The following CKM variants were observed in gnomAD, a reference collection of about 807,000 sequenced individuals.
The protein encoded by CKM is creatine kinase, M-type, also known as creatine kinase M-type.
Under a neutral mutation model 35.4 loss-of-function variants are expected in CKM, and 28 were observed. That is an observed-to-expected ratio of 0.79 (90% CI 0.59 to 1.08). CKM has a LOEUF of 1.08. CKM is among the 50% of genes least tolerant of loss of function. The probability of loss-of-function intolerance (pLI) is 0.00; values close to 1 mark genes in which losing one functional copy is unlikely to be tolerated. For missense variants in CKM, 484 were observed against 509.8 expected, an observed-to-expected ratio of 0.95 and a Z score of 0.49; for synonymous variants, 215 against 204.4, an observed-to-expected ratio of 1.05 and a Z score of -0.44.
At chr19:45,311,715 G>A (rs1298385481) in intron 5 of CKM, 34 bp downstream of exon 5, 1 of 1,536,244 alleles carries the variant, frequency 6.5e-7, no homozygotes, top group African/African-American at 1.4e-5. Context: ...GAGGCTGGGG[G>A]AAGAGGAAGC....
In CKM at chr19:45,322,812, G is replaced by A. The variant is rs1357118751; in HGVS notation, c.-19+9C>T. The stretch of plus-strand genomic sequence containing the variant: ...TGGCCCCCACCCAGATTCCCGCCCC[G>A]TGCAGTACCTGGCTGGGCTGGGCTG... On this transcript the variant is annotated intron_variant, in intron 1 of 7. Transcript: ENST00000221476. 18 of 985,812 alleles carry A rather than the reference G, an allele frequency of 1.8e-5. No individual in the cohort carries two copies. Among genetic ancestry groups the A allele is most frequent in the East Asian group, 1.1e-4 (1 of 8,812 alleles). 61.1% of individuals were successfully genotyped at this position (985,812 alleles called of 1,614,324 possible). A position where few individuals can be genotyped will look rare whatever the true frequency, so the allele number is the denominator to read the frequency against.
At chr19:45,314,483 A>G (rs768393955) in intron 4 of CKM, among the ~76,000 whole-genome samples, 26 of 150,818 alleles carry the variant, frequency 1.7e-4, no homozygotes, top group Middle Eastern at 3.4e-3. Flanking sequence ...GCGTGATCTC[A>G]GCTCACTGCA....
chr19:45,322,473 G>A (rs1971222426), intron 1 of CKM, among the ~76,000 whole-genome samples: 1 of 151,946 alleles, frequency 6.6e-6, no homozygotes, highest in Non-Finnish European at 1.5e-5. Context: ...GGCTTGTGGC[G>A]CCAGTGTTGG....
At chr19:45,313,795 A>G (rs1452956489) in intron 4 of CKM, among the ~76,000 whole-genome samples, 1 of 152,174 alleles carries the variant, frequency 6.6e-6, no homozygotes, top group Non-Finnish European at 1.5e-5. Flanking sequence ...ACAGTAAGCC[A>G]AGATTGCACC....
chr19:45,310,573 T>C (rs344793), intron 5 of CKM, among the ~76,000 whole-genome samples: 108,975 of 151,588 alleles, frequency 0.72, 40,964 homozygotes, highest in African/African-American at 0.88. Context: ...GCTAGTAAAG[T>C]TAGTAAATGG....
intron 4 of CKM, among the ~76,000 whole-genome samples, chr19:45,314,178 G>A (rs746195383): frequency 1.5e-5 from 2 of 129,892 alleles, no homozygotes; most frequent in African/African-American, 2.8e-5. Flanking sequence ...GAAAGGAAAG[G>A]AAGGAAGGAA....
intron 3 of CKM, among the ~76,000 whole-genome samples, chr19:45,317,139 GCT>G: frequency 6.6e-6 from 1 of 150,512 alleles, no homozygotes; most frequent in African/African-American, 2.4e-5. Flanking sequence ...ATAGAATCTT[GCT>G]CTGTCACCCA....
In CKM at chr19:45,306,746, G is replaced by A; in HGVS notation, c.*4C>T. On this transcript the variant is annotated 3_prime_UTR_variant, in exon 8 of 8. Transcript: ENST00000221476. This position sits in a 1 kb window ranked among gnomAD's most constrained non-coding sequence, Gnocchi z 4.5. ...CCAGCAGTCGGTGGCAGGTGGGCAGGCGCCTACTTCTGGGCGGGGATCATG... is the reference window on the plus strand; with the variant it reads ...CCAGCAGTCGGTGGCAGGTGGGCAGACGCCTACTTCTGGGCGGGGATCATG... 6.2e-7 allele frequency: 1 copy of A among 1,614,030 alleles called. No homozygotes were observed. The highest frequency in any genetic ancestry group is 8.5e-7 in the Non-Finnish European group (1 of 1,180,004).
chr19:45,316,393 G>A (rs1971158476), intron 3 of CKM, among the ~76,000 whole-genome samples: 2 of 150,176 alleles, frequency 1.3e-5, no homozygotes, highest in South Asian at 4.2e-4. Context: ...CAAACTCCTG[G>A]GCTCAAACAG....
rs1301742340 is a variant in CKM, at chr19:45,307,863, C to CG, written c.778-214dup. On this transcript the variant is annotated intron_variant, in intron 6 of 7. Transcript: ENST00000221476. ...GCGGGGACTAAGAACGCTTTGAAGG[C>CG]GGGTTTTTTTTTTTTTTTTTTCCAG... Among the ~76,000 whole-genome samples, 163 of 116,124 alleles carry CG rather than the reference C, an allele frequency of 1.4e-3. 2 individuals are homozygous for CG. Among genetic ancestry groups the CG allele is most frequent in the Non-Finnish European group, 3.5e-4 (20 of 56,924 alleles). 76.2% of individuals were successfully genotyped at this position (116,124 alleles called of 152,430 possible). A position where few individuals can be genotyped will look rare whatever the true frequency, so the allele number is the denominator to read the frequency against.
At position 45,306,797 on chromosome 19, in the gene CKM, ACTT is replaced by A. The variant is rs780083622; in HGVS notation, c.1096_1098del (p.Lys366del). On this transcript the variant is annotated inframe_deletion, in exon 8 of 8. Coordinates refer to ENST00000221476, the MANE Select transcript of CKM (RefSeq NM_001824.5). This position sits in a 1 kb window ranked among gnomAD's most constrained non-coding sequence, Gnocchi z 4.5. ...TCGTCAATGGACTGGCCTTTCTCCA[ACTT>A]CTTCTCCATTTCCACCATGAGCTTC... 71 of 1,614,084 alleles carry A rather than the reference ACTT, an allele frequency of 4.4e-5. No homozygotes were observed. Among genetic ancestry groups the A allele is most frequent in the Middle Eastern group, 1.6e-4 (1 of 6,062 alleles).
chr19:45,320,895 A>ATTATTATTATTG (rs1971207268), intron 1 of CKM, among the ~76,000 whole-genome samples: 1 of 151,078 alleles, frequency 6.6e-6, no homozygotes, highest in South Asian at 2.1e-4. Flanking sequence ...AGCTGCTATT[A>ATTATTATTATTG]TTATTATTAT....
At chr19:45,320,651 TG>T (rs1252540795) in intron 1 of CKM, among the ~76,000 whole-genome samples, 1 of 152,114 alleles carries the variant, frequency 6.6e-6, no homozygotes, top group African/African-American at 2.4e-5. Context: ...ATATTTTGTG[TG>T]GGTAAGAGTG....
intron 3 of CKM, among the ~76,000 whole-genome samples, chr19:45,316,329 C>CA (rs57770481): frequency 0.45 from 54,308 of 120,774 alleles, 12,480 homozygotes; most frequent in Non-Finnish European, 0.56. Flanking sequence ...GATTCTGTCT[C>CA]AAAAAAAAAA....
At chr19:45,312,960 A>AG (rs1475559770) in intron 4 of CKM, among the ~76,000 whole-genome samples, 1 of 151,744 alleles carries the variant, frequency 6.6e-6, no homozygotes, top group Non-Finnish European at 1.5e-5. Flanking sequence ...TCTAAAAAAA[A>AG]AAAAAAGAAA....
At chr19:45,316,456 G>C (rs1971159106) in intron 3 of CKM, among the ~76,000 whole-genome samples, 1 of 151,626 alleles carries the variant, frequency 6.6e-6, no homozygotes, top group Admixed American at 6.6e-5. Context: ...GAGCCACCAT[G>C]CCTAGCTAAA....
rs745884156 is a variant in CKM at position 45,315,499 on chromosome 19, G to A, written c.447C>T (p.Gly149=). The change falls in exon 4 of 8, where the codon GGC becomes GGT. Residue 149 remains glycine (G), a synonymous_variant. Transcript: ENST00000221476. Reference sequence around the variant, plus strand: ...AGAGCTTCTCCACCGCCCGGCGCTCGCCACGGGAGCAGTGTGGGGGCAACG... The same window carrying A: ...AGAGCTTCTCCACCGCCCGGCGCTCACCACGGGAGCAGTGTGGGGGCAACG... ...GYTLPPHCSR[G]ERRAVEKLSV... is the part of the protein sequence containing the mutation. The A allele has an allele frequency of 1.4e-5, 22 of 1,599,850 alleles. No homozygotes were observed. Among genetic ancestry groups the A allele is most frequent in the African/African-American group, 6.7e-5 (5 of 74,932 alleles).
intron 1 of CKM, among the ~76,000 whole-genome samples, chr19:45,320,497 T>G (rs1257781137): frequency 6.6e-6 from 1 of 152,212 alleles, no homozygotes; most frequent in Non-Finnish European, 1.5e-5. Context: ...TCTGAGCCCC[T>G]GTGTCTCAGC....
At chr19:45,315,067 T>C (rs999909106) in intron 4 of CKM, among the ~76,000 whole-genome samples, 1 of 152,182 alleles carries the variant, frequency 6.6e-6, no homozygotes, top group African/African-American at 2.4e-5. Context: ...CTTGGCTTCA[T>C]GGCACTTTTG....
Sources: allele counts gnomAD v4.1 joint callset (sites outside exome capture counted in the v4.1 genomes callset), GRCh38; gene constraint gnomAD v4.1.1; non-coding constraint Gnocchi (gnomAD v3.1); transcripts MANE v1.5; gene names NCBI Gene and HGNC (gene_info 2026-07-23, HGNC 2026-07-21).